The following MMS19 variants were observed in gnomAD, a reference collection of about 807,000 sequenced individuals.
MMS19 encodes MMS19 cytosolic iron-sulfur assembly component.
Under a neutral mutation model 129.8 loss-of-function variants are expected in MMS19, and 77 were observed. The observed-to-expected ratio is 0.59, with a 90% confidence interval of 0.49 to 0.72. MMS19 has a LOEUF of 0.72. MMS19 is among the 30% of genes least tolerant of loss of function. MMS19 has a pLI of 0.00. For synonymous variants in MMS19, 491 were observed against 502.8 expected, an observed-to-expected ratio of 0.98 and a Z score of 0.31; for missense variants, 1,168 against 1,266.3, an observed-to-expected ratio of 0.92 and a Z score of 1.18.
intron 2 of MMS19, 124 bp from the exon 3 acceptor site, chr10:97,481,166 T>A: frequency 1.5e-6 from 1 of 687,824 alleles, no homozygotes; most frequent in Admixed American, 2.7e-5. Context: ...CTGTTAAGAG[T>A]AAAAACAGCC....
chr10:97,471,626 T>C (rs2135343092), intron 8 of MMS19, among the ~76,000 whole-genome samples: 1 of 152,256 alleles, frequency 6.6e-6, no homozygotes, highest in African/African-American at 2.4e-5. Flanking sequence ...TTCTCATGTC[T>C]CAACCTCCCA....
intron 26 of MMS19, 23 bp downstream of exon 26, chr10:97,460,023 G>A (rs2031300152): frequency 2.5e-6 from 4 of 1,609,580 alleles, no homozygotes; most frequent in Non-Finnish European, 3.4e-6. Flanking sequence ...GTATATGTGG[G>A]GACCTTCTTT....
At chr10:97,463,614 G>A (rs1391672494) in intron 19 of MMS19, among the ~76,000 whole-genome samples, 3 of 152,222 alleles carry the variant, frequency 2.0e-5, no homozygotes, top group Admixed American at 6.5e-5. Context: ...TAATCACATA[G>A]CACTTCATGG....
In MMS19 at chr10:97,460,985, T is replaced by C. The variant is rs751498029; in HGVS notation, c.2334A>G (p.Leu778=). 9.6e-6 allele frequency: 15 copies of C among 1,565,824 alleles called. No homozygotes were observed. Among genetic ancestry groups the C allele is most frequent in the Non-Finnish European group, 1.3e-5 (15 of 1,154,376 alleles). Residue 778 remains leucine, a synonymous_variant, in exon 24 of 31, where the codon CTA becomes CTG. Coordinates refer to ENST00000438925, the MANE Select transcript of MMS19 (RefSeq NM_022362.5). Reference sequence around the variant, plus strand: ...CCTCCACTTTGTCCACAGCTAGCTGTAGGAATTCATCCAGCTGCTGCCCTA... The same window carrying C: ...CCTCCACTTTGTCCACAGCTAGCTGCAGGAATTCATCCAGCTGCTGCCCTA... ...HPAGQQLDEF[L]QLAVDKVEAG... is the part of the protein sequence containing the mutation.
intron 8 of MMS19, among the ~76,000 whole-genome samples, chr10:97,472,621 T>C (rs535297785): frequency 6.6e-6 from 1 of 151,892 alleles, no homozygotes; most frequent in African/African-American, 2.4e-5. Context: ...TTGTTTTTGG[T>C]TTTTTGGTGA....
chr10:97,468,440 A>C, intron 12 of MMS19, 34 bp from the exon 13 acceptor site: 4 of 1,557,214 alleles, frequency 2.6e-6, no homozygotes, highest in Non-Finnish European at 3.5e-6. Context: ...GCTGGGGAGG[A>C]GGCCAAATGG....
At chr10:97,494,992 C>CT (rs1475957904) in intron 1 of MMS19, among the ~76,000 whole-genome samples, 3 of 152,200 alleles carry the variant, frequency 2.0e-5, no homozygotes, top group African/African-American at 7.2e-5. Context: ...AACTAGTCCA[C>CT]TAAATACATG....
At chr10:97,461,717 C>G in intron 22 of MMS19, 95 bp from the exon 23 acceptor site, 1 of 1,545,552 alleles carries the variant, frequency 6.5e-7, no homozygotes, top group South Asian at 1.2e-5. Context: ...CGGATGAGAA[C>G]TAACTTCTCT....
chr10:97,467,654 AG>A (rs2033792564), intron 13 of MMS19, 71 bp from the exon 14 acceptor site: 4 of 1,429,918 alleles, frequency 2.8e-6, no homozygotes, highest in Non-Finnish European at 3.9e-6. Context: ...CTCTGGATAT[AG>A]GGAAAATTCT....
intron 2 of MMS19, 119 bp downstream of exon 2, chr10:97,483,984 A>G: frequency 1.5e-6 from 1 of 660,386 alleles, no homozygotes; most frequent in Admixed American, 2.8e-5. Flanking sequence ...CTAATATGGA[A>G]GGGGGCTGCT....
intron 3 of MMS19, 75 bp downstream of exon 3, chr10:97,480,867 A>G (rs1215571617): frequency 3.0e-6 from 3 of 989,504 alleles, no homozygotes; most frequent in Non-Finnish European, 4.7e-6. Context: ...CCCTGCCTGT[A>G]AAGTTGGCTT....
intron 1 of MMS19, among the ~76,000 whole-genome samples, chr10:97,490,560 T>C (rs1444598252): frequency 6.6e-6 from 1 of 152,200 alleles, no homozygotes; most frequent in Non-Finnish European, 1.5e-5. Context: ...CAGCAGCCTG[T>C]TCTGGGTTCC....
chr10:97,461,846 G>A lies in MMS19; in HGVS notation c.2166C>T (p.Val722=). ...RRLIALLMAF[V]CSLPRNVEIP... is the part of the protein sequence containing the mutation. ...CACTTACATTTCGAGGCAGGGAGCA[G>A]ACAAAGGCCATAAGCAGTGCAATCA... The change falls in exon 22 of 31, where the codon GTC becomes GTT. Residue 722 remains valine, a synonymous_variant. Coordinates refer to ENST00000438925, the MANE Select transcript of MMS19 (RefSeq NM_022362.5). 1 of 1,609,774 alleles carries A rather than the reference G, an allele frequency of 6.2e-7. No individual in the cohort carries two copies. Among genetic ancestry groups the A allele is most frequent in the African/African-American group, 1.3e-5 (1 of 74,996 alleles).
intron 8 of MMS19, among the ~76,000 whole-genome samples, chr10:97,474,305 G>A (rs1270679262): frequency 6.6e-6 from 1 of 151,796 alleles, no homozygotes; most frequent in Non-Finnish European, 1.5e-5. Flanking sequence ...CACTTTGGGA[G>A]GCCGAGGCAG....
intron 14 of MMS19, 73 bp downstream of exon 14, chr10:97,467,432 C>A: frequency 2.5e-6 from 3 of 1,193,350 alleles, no homozygotes; most frequent in Non-Finnish European, 3.7e-6. Flanking sequence ...CCACAGCACT[C>A]TTTGCCCTGC....
chr10:97,478,527 T>C (rs2135415211), intron 3 of MMS19, 138 bp from the exon 4 acceptor site: 2 of 626,744 alleles, frequency 3.2e-6, no homozygotes, highest in East Asian at 2.8e-5. Flanking sequence ...AGACATGTCC[T>C]GTGCCTTCCC....
chr10:97,497,035 G>GT lies in MMS19; in HGVS notation c.112+1237dup, dbSNP rs2135608217. On this transcript the variant is annotated intron_variant, in intron 1 of 30. Transcript: ENST00000438925. ...ATGACATTGGTAAGACACTGTACTT[G>GT]TAAATTGTAAACACTGATAACACAC... 2.6e-5 allele frequency among the ~76,000 whole-genome samples: 4 copies of GT among 152,320 alleles called. No individual in the cohort carries two copies. The South Asian group carries it at 8.3e-4, about 32-fold the overall frequency.
chr10:97,492,328 A>G (rs1186686228), intron 1 of MMS19, among the ~76,000 whole-genome samples: 1 of 151,552 alleles, frequency 6.6e-6, no homozygotes, highest in Non-Finnish European at 1.5e-5. Context: ...CAAAAATATT[A>G]GCTGGGCGTG....
chr10:97,459,468 G>A lies in MMS19; in HGVS notation c.2798C>T (p.Thr933Ile). The change falls in exon 28 of 31, where the codon ACC (threonine) becomes ATC (isoleucine). Residue 933 changes from threonine to isoleucine, a missense_variant. Thr to Ile is a moderately conservative substitution (Grantham distance 89). This residue lies in a region of MMS19 where 831 missense variants were observed against 910.8 expected (regional missense o/e 0.91). Transcript: ENST00000438925. ...SCPDCVVQLS[T>I]LSCLQPLLLE... ...TAGAAGAGGCTGAAGGCAGCTGAGGGTGGAGAGCTGCACCACACAGTCAGG... is the reference window on the plus strand; with the variant it reads ...TAGAAGAGGCTGAAGGCAGCTGAGGATGGAGAGCTGCACCACACAGTCAGG... The A allele has an allele frequency of 6.2e-7, 1 of 1,612,852 alleles. No homozygotes were observed. Among genetic ancestry groups the A allele is most frequent in the South Asian group, 1.1e-5 (1 of 90,734 alleles).
Sources: gnomAD v4.1 joint callset for allele counts (sites outside exome capture counted in the v4.1 genomes callset) on GRCh38, gnomAD v4.1.1 for gene constraint, gnomAD v4.1.1 regional missense constraint, MANE v1.5 for transcripts, NCBI Gene and HGNC (gene_info 2026-07-23, HGNC 2026-07-21) for gene names.